ZNF521: variants seen among roughly 807,000 people sequenced by gnomAD.
The protein encoded by ZNF521 is LYST-interacting protein 3.
ZNF521 carries 14 observed loss-of-function variants against 105.5 expected under a neutral mutation model. The ratio of observed to expected loss-of-function variants is 0.13; its 90% confidence interval spans 0.09 to 0.21. The LOEUF is 0.21. Among genes scored for constraint, ZNF521 ranks in the 10% least tolerant of loss-of-function variants. ZNF521 has a pLI of 1.00. For synonymous variants in ZNF521, 635 were observed against 606.0 expected (o/e 1.05, Z -0.70); for missense variants, 1,233 against 1,629.7 (o/e 0.76, Z 4.19).
chr18:25,350,237 G>A (rs1914670355), intron 2 of ZNF521, among the ~76,000 whole-genome samples: 1 of 152,168 alleles, frequency 6.6e-6, no homozygotes, highest in South Asian at 2.1e-4. Flanking sequence ...GGACTCCAGG[G>A]GCGGCGGGGA....
intron 5 of ZNF521, among the ~76,000 whole-genome samples, chr18:25,166,615 G>C (rs1165345323): frequency 1.3e-5 from 2 of 152,144 alleles, no homozygotes; most frequent in Non-Finnish European, 2.9e-5. Flanking sequence ...TCTGTTGTTT[G>C]TAGACTTTTA....
intron 5 of ZNF521, among the ~76,000 whole-genome samples, chr18:25,129,941 G>C (rs2034609853): frequency 6.6e-6 from 1 of 152,068 alleles, no homozygotes; most frequent in Non-Finnish European, 1.5e-5. Context: ...TTCTTATAAA[G>C]CTAAGCATAA....
At chr18:25,229,851 C>T (rs1253893546) in intron 3 of ZNF521, among the ~76,000 whole-genome samples, 2 of 152,176 alleles carry the variant, frequency 1.3e-5, no homozygotes, top group Non-Finnish European at 2.9e-5. Flanking sequence ...AAGGATGTAA[C>T]TATTGAGCTT....
At position 25,226,382 on chromosome 18, in the gene ZNF521, T is replaced by A; in HGVS notation, c.1536A>T (p.Ala512=). Residue 512 remains alanine, a synonymous_variant, in exon 4 of 8, where the codon GCA becomes GCT. Coordinates refer to ENST00000361524, the MANE Select transcript of ZNF521 (RefSeq NM_015461.3). This position sits in a 1 kb window ranked among gnomAD's most constrained non-coding sequence, Gnocchi z 4.1. ...FANPAAKDSN[A]FFCPHCYMGF... The stretch of plus-strand genomic sequence containing the variant: ...CCATATAGCAATGGGGACAAAAGAA[T>A]GCATTACTATCTTTAGCTGCAGGGT... 6.2e-7 allele frequency: 1 copy of A among 1,614,132 alleles called. No homozygotes were observed. The highest frequency in any genetic ancestry group is 8.5e-7 in the Non-Finnish European group (1 of 1,180,002).
intron 4 of ZNF521, among the ~76,000 whole-genome samples, chr18:25,221,292 G>C (rs188896443): frequency 9.9e-5 from 15 of 152,240 alleles, no homozygotes; most frequent in Admixed American, 8.5e-4. Context: ...TGCATGCCTT[G>C]TCTTTCATCC....
At chr18:25,297,538 G>A (rs1250814591) in intron 3 of ZNF521, among the ~76,000 whole-genome samples, 1 of 152,084 alleles carries the variant, frequency 6.6e-6, no homozygotes, top group African/African-American at 2.4e-5. Flanking sequence ...TATAGAAAAT[G>A]AATGCGAATA....
At chr18:25,188,014 G>T (rs547938937) in intron 5 of ZNF521, among the ~76,000 whole-genome samples, 7 of 152,182 alleles carry the variant, frequency 4.6e-5, no homozygotes, top group African/African-American at 1.7e-4. Flanking sequence ...TGCCTGATTG[G>T]TTTTTTTGTC....
intron 5 of ZNF521, among the ~76,000 whole-genome samples, chr18:25,111,225 T>A (rs773376426): frequency 1.2e-4 from 18 of 152,246 alleles, no homozygotes; most frequent in Admixed American, 7.2e-4. Context: ...AAAGTTTTCT[T>A]TATTTTACAT....
chr18:25,090,292 C>A (rs2033715519), intron 6 of ZNF521, among the ~76,000 whole-genome samples: 1 of 152,090 alleles, frequency 6.6e-6, no homozygotes, highest in South Asian at 2.1e-4. Context: ...GCACTGTGAC[C>A]TAAAAAAGTT....
chr18:25,094,631 C>T (rs946856534), intron 5 of ZNF521, among the ~76,000 whole-genome samples: 5 of 152,016 alleles, frequency 3.3e-5, no homozygotes, highest in African/African-American at 1.2e-4. Context: ...TTAAGTTACA[C>T]TGTGAGGTCT....
At chr18:25,327,681 C>T (rs773312559) in intron 2 of ZNF521, 1 of 518,850 alleles carries the variant, frequency 1.9e-6, no homozygotes, top group Non-Finnish European at 3.8e-6. Flanking sequence ...GATATGCATT[C>T]TAACTTGAAA....
intron 3 of ZNF521, among the ~76,000 whole-genome samples, chr18:25,270,223 C>T (rs1197247445): frequency 6.6e-6 from 1 of 151,694 alleles, no homozygotes; most frequent in Admixed American, 6.6e-5. Context: ...AAAGACTAAA[C>T]AGGAAGAAGC....
At chr18:25,282,349 T>C (rs1411682550) in intron 3 of ZNF521, among the ~76,000 whole-genome samples, 1 of 152,034 alleles carries the variant, frequency 6.6e-6, no homozygotes, top group Non-Finnish European at 1.5e-5. Context: ...TCGGAACCAC[T>C]GGAAAGCCAG....
intron 3 of ZNF521, among the ~76,000 whole-genome samples, chr18:25,320,949 C>T (rs72876412): frequency 0.093 from 14,168 of 152,176 alleles, 752 homozygotes; most frequent in Middle Eastern, 0.18. Flanking sequence ...AATAAAGAAG[C>T]CTATTTAATG....
chr18:25,102,272 A>T lies in ZNF521; in HGVS notation c.3659-10191T>A, dbSNP rs542488770. On this transcript the variant is annotated intron_variant, in intron 5 of 7. Transcript: ENST00000361524. ...TTTTTAAATTAAAAGATAATTTTTTAAATTAAAAGACATTCTAATAAATAC... is the reference window on the plus strand; with the variant it reads ...TTTTTAAATTAAAAGATAATTTTTTTAATTAAAAGACATTCTAATAAATAC... 5.9e-5 allele frequency among the ~76,000 whole-genome samples: 9 copies of T among 152,258 alleles called. No homozygotes were observed. In the South Asian group the frequency reaches 1.0e-3, roughly 18 times the overall value.
intron 3 of ZNF521, among the ~76,000 whole-genome samples, chr18:25,234,571 C>A (rs535848579): frequency 6.6e-6 from 1 of 151,940 alleles, no homozygotes; most frequent in African/African-American, 2.4e-5. Flanking sequence ...AGAAAAATTT[C>A]GGCCTGCCTC....
At chr18:25,067,451 AC>A (rs1166425360) in intron 7 of ZNF521, among the ~76,000 whole-genome samples, 5 of 152,202 alleles carry the variant, frequency 3.3e-5, no homozygotes, top group Admixed American at 6.5e-5. Flanking sequence ...ATTTTACAAG[AC>A]TGGAATTCTC....
chr18:25,243,966 A>C (rs1431489327), intron 3 of ZNF521, among the ~76,000 whole-genome samples: 3 of 152,144 alleles, frequency 2.0e-5, no homozygotes, highest in African/African-American at 7.2e-5. Context: ...CTGTGATGAT[A>C]TGAATCTATT....
chr18:25,087,782 G>C (rs574334444), intron 7 of ZNF521, among the ~76,000 whole-genome samples: 1 of 152,152 alleles, frequency 6.6e-6, no homozygotes, highest in Non-Finnish European at 1.5e-5. Context: ...TGACAGAATA[G>C]CATTTTTAGA....
Sources: gnomAD v4.1 joint callset for allele counts (sites outside exome capture counted in the v4.1 genomes callset) on GRCh38, gnomAD v4.1.1 for gene constraint, Gnocchi (gnomAD v3.1) non-coding constraint, MANE v1.5 for transcripts, NCBI Gene and HGNC (gene_info 2026-07-23, HGNC 2026-07-21) for gene names.